PTPRN2: variants seen among roughly 807,000 people sequenced by gnomAD.
PTPRN2 encodes the protein protein tyrosine phosphatase receptor type N2, also known as receptor-type tyrosine-protein phosphatase N2.
A neutral mutation model predicts 118.8 loss-of-function variants in PTPRN2; 74 were observed. The ratio of observed to expected loss-of-function variants is 0.62; its 90% CI spans 0.52 to 0.76. The LOEUF (loss-of-function observed/expected upper bound fraction) is 0.76. PTPRN2 is among the 30% of genes least tolerant of loss of function. The pLI, the probability that PTPRN2 is intolerant of heterozygous loss-of-function variation, is 0.00. For synonymous variants in PTPRN2, 641 were observed against 608.0 expected, an observed-to-expected ratio of 1.05 and a Z score of -0.80; for missense variants, 1,481 against 1,394.4, an observed-to-expected ratio of 1.06 and a Z score of -0.99.
Position 157,994,636 on chromosome 7 carries a change from C to T in PTPRN2, c.1723+86662G>A, listed in dbSNP as rs1175223323. On this transcript the variant is annotated intron_variant, in intron 11 of 22. Transcript: ENST00000389418. ...TACAACTCCTGGTTCCTAAAATCAA[C>T]GCCGTGTCCCCAGCTTACAGCTCCT... 6.5e-4 allele frequency among the ~76,000 whole-genome samples: 93 copies of T among 142,686 alleles called. 1 individual carries two copies. The highest frequency in any genetic ancestry group is 1.8e-3 in the African/African-American group (66 of 35,954). 93.6% of individuals were successfully genotyped at this position (142,686 alleles called of 152,430 possible). A position where few individuals can be genotyped will look rare whatever the true frequency, so the allele number is the denominator to read the frequency against.
chr7:157,619,672 G>A lies in PTPRN2; in HGVS notation c.2344+1690C>T, dbSNP rs545753333. ...GAACACTAAATGGGTAGCAAGAAGCGTGCACCCAGCTGGGTGAATGGGATT... is the reference window on the plus strand; with the variant it reads ...GAACACTAAATGGGTAGCAAGAAGCATGCACCCAGCTGGGTGAATGGGATT... On this transcript the variant is annotated intron_variant, in intron 15 of 22. Transcript: ENST00000389418. The surrounding 1 kb of genome is among the most constrained non-coding windows in gnomAD (Gnocchi z 5.3). Among the ~76,000 whole-genome samples, 4 of 152,308 alleles carry A rather than the reference G, an allele frequency of 2.6e-5. No individual in the cohort carries two copies. The highest frequency in any genetic ancestry group is 1.3e-4 in the Admixed American group (2 of 15,298).
At chr7:158,166,532 C>A (rs112119264) in intron 6 of PTPRN2, among the ~76,000 whole-genome samples, 5 of 31,628 alleles carry the variant, frequency 1.6e-4, no homozygotes, top group East Asian at 2.1e-3. Context: ...CGCCGCGTTC[C>A]CTGTCCTCAC....
chr7:158,332,340 A>T (rs1176866596), intron 2 of PTPRN2, among the ~76,000 whole-genome samples: 1 of 48,940 alleles, frequency 2.0e-5, no homozygotes, highest in South Asian at 1.1e-3. Context: ...TGAGGCCCAC[A>T]GAGGACACTC....
intron 9 of PTPRN2, among the ~76,000 whole-genome samples, chr7:158,126,696 C>T (rs1446860651): frequency 6.6e-6 from 1 of 151,454 alleles, no homozygotes; most frequent in African/African-American, 2.4e-5. Flanking sequence ...TTCCTCTCCG[C>T]CACACCAGCC....
At chr7:158,063,861 AG>A (rs1223247544) in intron 11 of PTPRN2, among the ~76,000 whole-genome samples, 1 of 152,248 alleles carries the variant, frequency 6.6e-6, no homozygotes, top group Admixed American at 6.5e-5. Flanking sequence ...CAGAGTTTCC[AG>A]AAGGCAACCA....
intron 5 of PTPRN2, among the ~76,000 whole-genome samples, chr7:158,169,203 G>A (rs1823297367): frequency 6.6e-6 from 1 of 152,134 alleles, no homozygotes; most frequent in East Asian, 1.9e-4. Flanking sequence ...GTAGCAACCT[G>A]GGAGTTGGGA....
intron 2 of PTPRN2, among the ~76,000 whole-genome samples, chr7:158,324,474 G>A (rs542562411): frequency 6.9e-6 from 1 of 144,922 alleles, no homozygotes; most frequent in South Asian, 2.4e-4. Context: ...GACCCACTTG[G>A]ATGAAAGACT....
chr7:157,648,702 A>G (rs1252847978), intron 14 of PTPRN2, among the ~76,000 whole-genome samples: 44 of 121,538 alleles, frequency 3.6e-4, no homozygotes, highest in South Asian at 1.6e-3. Context: ...TCGGTGGGTC[A>G]GACCCATTCA....
chr7:158,369,570 G>C (rs1262992476), intron 2 of PTPRN2, among the ~76,000 whole-genome samples: 1 of 152,062 alleles, frequency 6.6e-6, no homozygotes, highest in Non-Finnish European at 1.5e-5. Flanking sequence ...AAGGGCCAAG[G>C]GGAATCTGCT....
chr7:158,379,995 T>C (rs1810844184), intron 2 of PTPRN2, among the ~76,000 whole-genome samples: 2 of 152,134 alleles, frequency 1.3e-5, no homozygotes, highest in South Asian at 4.1e-4. Context: ...TTAGTCACTA[T>C]CAGGAGAACA....
At position 157,754,281 on chromosome 7, in the gene PTPRN2, C is replaced by T. The variant is rs533581468; in HGVS notation, c.1789-71344G>A. Among the ~76,000 whole-genome samples, 32 of 152,330 alleles carry T rather than the reference C, an allele frequency of 2.1e-4. No homozygotes were observed. In the South Asian group the frequency reaches 5.4e-3, roughly 26 times the overall value. On this transcript the variant is annotated intron_variant, in intron 12 of 22. Coordinates refer to ENST00000389418, the MANE Select transcript of PTPRN2 (RefSeq NM_002847.5). ...CTGCTGCTCCTGTGGACTCACGAGC[C>T]GTCAGGACACTGAGCCACGTTACCT...
chr7:158,056,527 G>T (rs552739207), intron 11 of PTPRN2, among the ~76,000 whole-genome samples: 8 of 152,328 alleles, frequency 5.3e-5, no homozygotes, highest in African/African-American at 1.9e-4. Context: ...GGATGGGCAG[G>T]AGAAGCCCCT....
chr7:157,951,489 T>C (rs1303618950), intron 11 of PTPRN2, among the ~76,000 whole-genome samples: 4 of 152,160 alleles, frequency 2.6e-5, no homozygotes, highest in Admixed American at 2.0e-4. Context: ...GACTAAGGCC[T>C]TCACAGTCTG....
chr7:157,839,835 G>A (rs1183864458), intron 12 of PTPRN2, among the ~76,000 whole-genome samples: 6 of 149,814 alleles, frequency 4.0e-5, no homozygotes, highest in Admixed American at 6.6e-5. Flanking sequence ...GTGTGGCCAC[G>A]TGTGACTGTG....
intron 2 of PTPRN2, among the ~76,000 whole-genome samples, chr7:158,388,771 C>G (rs1811701766): frequency 6.6e-6 from 1 of 152,212 alleles, no homozygotes; most frequent in African/African-American, 2.4e-5. Context: ...CTGAAGCCAG[C>G]CAGGGCTCCC....
intron 5 of PTPRN2, among the ~76,000 whole-genome samples, chr7:158,178,633 C>T (rs1824431440): frequency 9.3e-6 from 1 of 107,882 alleles, no homozygotes; most frequent in African/African-American, 3.6e-5. Context: ...GAGTCTTGCT[C>T]TGTTGCCAGG....
rs1344044651 is a variant in PTPRN2 at position 157,987,588 on chromosome 7, T to C, written c.1724-88851A>G. Reference sequence around the variant, plus strand: ...CCTGGTCCCACTGCTGAGTTTTATGTCTGGATGCTGAATAGCTGGAGGAAG... The same window carrying C: ...CCTGGTCCCACTGCTGAGTTTTATGCCTGGATGCTGAATAGCTGGAGGAAG... On this transcript the variant is annotated intron_variant, in intron 11 of 22. Transcript: ENST00000389418. The surrounding 1 kb of genome is among the most constrained non-coding windows in gnomAD (Gnocchi z 4.3). 6.6e-6 allele frequency among the ~76,000 whole-genome samples: 1 copy of C among 152,148 alleles called. No individual in the cohort carries two copies.
intron 1 of PTPRN2, among the ~76,000 whole-genome samples, chr7:158,540,474 G>A (rs1825919533): frequency 6.6e-6 from 1 of 152,130 alleles, no homozygotes. Context: ...GGGTCTCGGG[G>A]GGCAATGAGG....
At chr7:157,945,166 A>G (rs6977123) in intron 11 of PTPRN2, among the ~76,000 whole-genome samples, 77,876 of 151,916 alleles carry the variant, frequency 0.51, 20,993 homozygotes, top group East Asian at 0.66. Context: ...CGGAGGCCCC[A>G]GTGCTGGGTG....
Sources: allele counts gnomAD v4.1 joint callset (sites outside exome capture counted in the v4.1 genomes callset), GRCh38; gene constraint gnomAD v4.1.1; non-coding constraint Gnocchi (gnomAD v3.1); transcripts MANE v1.5; gene names NCBI Gene and HGNC (gene_info 2026-07-23, HGNC 2026-07-21).